The following C14orf93 variants were observed in gnomAD, a reference collection of about 807,000 sequenced individuals.
C14orf93 encodes uncharacterized protein C14orf93.
A neutral mutation model predicts 44.0 loss-of-function variants in C14orf93; 23 were observed. That is an observed-to-expected ratio of 0.52 (90% CI 0.38 to 0.74). The LOEUF (loss-of-function observed/expected upper bound fraction) is 0.74. Ranked by LOEUF, C14orf93 falls within the 30% of genes least tolerant of loss-of-function variation. C14orf93 has a pLI of 0.00. For missense variants in C14orf93, 579 were observed against 678.9 expected (o/e 0.85, Z 1.64); for synonymous variants, 253 against 265.7 (o/e 0.95, Z 0.46).
chr14:22,998,306 T>C (rs2046112399), intron 2 of C14orf93, 121 bp downstream of exon 2: 1 of 1,340,932 alleles, frequency 7.5e-7, no homozygotes, highest in South Asian at 1.7e-5. Context: ...CGTGGTACTG[T>C]TTTGCTTTAT....
chr14:22,988,713 T>C (rs1185153986), intron 5 of C14orf93, among the ~76,000 whole-genome samples: 1 of 151,926 alleles, frequency 6.6e-6, no homozygotes, highest in East Asian at 1.9e-4. Context: ...CAACACTAAC[T>C]CCTCCCAAAT....
chr14:23,009,554 C>T (rs1355747741), intron 1 of C14orf93, among the ~76,000 whole-genome samples: 4 of 152,118 alleles, frequency 2.6e-5, no homozygotes, highest in Admixed American at 2.6e-4. Flanking sequence ...AGGTCTTTCC[C>T]CCTTCCCTAG....
At chr14:22,990,738 G>C (rs1487246896) in intron 3 of C14orf93, among the ~76,000 whole-genome samples, 1 of 151,746 alleles carries the variant, frequency 6.6e-6, no homozygotes, top group Non-Finnish European at 1.5e-5. Context: ...CAAAGTGGTG[G>C]GATTACAGGC....
intron 1 of C14orf93, among the ~76,000 whole-genome samples, chr14:23,008,226 A>G (rs2046734394): frequency 6.6e-6 from 1 of 151,482 alleles, no homozygotes; most frequent in South Asian, 2.1e-4. Flanking sequence ...ATGTGACTAG[A>G]TTTCAAAGAA....
chr14:22,997,566 T>C (rs2046063374), intron 2 of C14orf93, among the ~76,000 whole-genome samples: 1 of 152,204 alleles, frequency 6.6e-6, no homozygotes, highest in African/African-American at 2.4e-5. Flanking sequence ...CATACTTCCA[T>C]GTGTGACATT....
At chr14:23,003,962 T>A (rs774600329) in intron 1 of C14orf93, among the ~76,000 whole-genome samples, 1 of 117,136 alleles carries the variant, frequency 8.5e-6, no homozygotes, top group Non-Finnish European at 1.7e-5. Flanking sequence ...CAGGCTAGAG[T>A]GTGGAGGCAC....
In C14orf93 at chr14:22,996,195, G is replaced by A. The variant is rs1389685754; in HGVS notation, c.671C>T (p.Ser224Leu). The change falls in exon 3 of 7, where the codon TCA becomes TTA. Residue 224 changes from serine (S) to leucine (L), a missense_variant. Coordinates refer to ENST00000299088, the MANE Select transcript of C14orf93 (RefSeq NM_021944.4). The surrounding 1 kb of genome is among the most constrained non-coding windows in gnomAD (Gnocchi z 4.1). Reference sequence around the variant, plus strand: ...CTGGATTGCCAGTTGTGTGGCTGGTGAGAGTTGCTTGGCATAAGCAGGGAC... The same window carrying A: ...CTGGATTGCCAGTTGTGTGGCTGGTAAGAGTTGCTTGGCATAAGCAGGGAC... ...VLVPAYAKQL[S>L]PATQLAIQRA... 6 of 1,612,686 alleles carry A rather than the reference G, an allele frequency of 3.7e-6. No individual in the cohort carries two copies. The highest frequency in any genetic ancestry group is 1.3e-5 in the African/African-American group (1 of 74,912).
At position 23,001,887 on chromosome 14, in the gene C14orf93, G is replaced by C. The variant is rs1358583124; in HGVS notation, c.-379-2485C>G. On this transcript the variant is annotated intron_variant, in intron 1 of 6. Transcript: ENST00000299088. ...AAAAAAGGGCTGGGCGGTGGCTCAC[G>C]CCTGTAATCCCAGCACTTTGGGAGG... is the stretch of plus-strand genomic sequence containing the variant. 3.9e-5 allele frequency among the ~76,000 whole-genome samples: 5 copies of C among 129,778 alleles called. No individual in the cohort carries two copies. The East Asian group carries it at 7.9e-4, about 20-fold the overall frequency. The allele number at this position is 129,778 out of a possible 152,430, so 85.1% of individuals were successfully genotyped here. A position where few individuals can be genotyped will look rare whatever the true frequency, so the allele number is the denominator to read the frequency against.
intron 1 of C14orf93, among the ~76,000 whole-genome samples, chr14:23,003,010 G>A (rs1395942395): frequency 6.6e-6 from 1 of 152,194 alleles, no homozygotes; most frequent in Non-Finnish European, 1.5e-5. Context: ...AAATTAGAAA[G>A]GTAATTTAGT....
intron 1 of C14orf93, chr14:23,005,286 G>C (rs566664506): frequency 2.0e-5 from 3 of 152,330 alleles, no homozygotes; most frequent in South Asian, 2.1e-4. Flanking sequence ...ATAAGCCTAA[G>C]AGTAACAGGA....
Position 22,998,777 on chromosome 14 carries a change from C to T in C14orf93, c.247G>A (p.Ala83Thr). ...VGLAEAALGL[A>T]RANNELLKRL... ...TTTAACAACTCATTGTTGGCCCTGG[C>T]AAGACCCAGAGCAGCTTCAGCCAAA... is the stretch of plus-strand genomic sequence containing the variant. The change falls in exon 2 of 7, where the codon GCC (alanine) becomes ACC (threonine). Residue 83 changes from alanine (A) to threonine (T), a missense_variant. Ala to Thr is a moderately conservative substitution (Grantham distance 58, BLOSUM62 0). Coordinates refer to ENST00000299088, the MANE Select transcript of C14orf93 (RefSeq NM_021944.4). The T allele has an allele frequency of 6.2e-7, 1 of 1,614,230 alleles. No individual in the cohort carries two copies. Among genetic ancestry groups the T allele is most frequent in the Non-Finnish European group, 8.5e-7 (1 of 1,180,050 alleles).
intron 1 of C14orf93, among the ~76,000 whole-genome samples, chr14:23,001,821 C>T (rs1250780941): frequency 2.8e-5 from 3 of 108,654 alleles, no homozygotes; most frequent in African/African-American, 1.1e-4. Context: ...CTTTCCAAAA[C>T]AGCACTGTAC....
At chr14:23,003,228 G>T (rs1256717013) in intron 1 of C14orf93, among the ~76,000 whole-genome samples, 1 of 152,130 alleles carries the variant, frequency 6.6e-6, no homozygotes, top group Non-Finnish European at 1.5e-5. Context: ...GAATTAATTT[G>T]CCTATAAAAA....
rs2046169545 is a variant in C14orf93, at chr14:22,999,166, A to G, written c.-143T>C. On this transcript the variant is annotated 5_prime_UTR_variant, in exon 2 of 7. Coordinates refer to ENST00000299088, the MANE Select transcript of C14orf93 (RefSeq NM_021944.4). ...CCCCAAGCTGTAGGGTCTGTGAAAGAAGAGTAAACAAGCCATGAAGAAGCA... is the reference window on the plus strand; with the variant it reads ...CCCCAAGCTGTAGGGTCTGTGAAAGGAGAGTAAACAAGCCATGAAGAAGCA... 3 of 1,302,322 alleles carry G rather than the reference A, an allele frequency of 2.3e-6. No homozygotes were observed. The highest frequency in any genetic ancestry group is 3.1e-6 in the Non-Finnish European group (3 of 974,028). The allele number at this position is 1,302,322 out of a possible 1,614,324, so 80.7% of individuals were successfully genotyped here.
intron 1 of C14orf93, among the ~76,000 whole-genome samples, chr14:23,001,795 G>A (rs1157930424): frequency 1.5e-5 from 2 of 134,594 alleles, no homozygotes; most frequent in African/African-American, 2.8e-5. Flanking sequence ...TTCCTTGGTC[G>A]TCCTTCCTTG....
intron 5 of C14orf93, 87 bp downstream of exon 5, chr14:22,989,655 T>C: frequency 1.0e-6 from 1 of 982,506 alleles, no homozygotes. Flanking sequence ...ATCATCTCTA[T>C]TATTCCTCTT....
Position 22,987,259 on chromosome 14 carries a change from C to T in C14orf93, c.1573G>A (p.Asp525Asn). ...FDQPHKTCCP[D>N]LNSFIEIKVE... ...TTGATTTCAATGAATGAGTTCAAGT[C>T]AGGACAGCAGGTTTTGTGGGGTTGG... Residue 525 changes from aspartate (D) to asparagine (N), a missense_variant, in exon 7 of 7, where the codon GAC (aspartate) becomes AAC (asparagine). Transcript: ENST00000299088. The surrounding 1 kb of genome is among the most constrained non-coding windows in gnomAD (Gnocchi z 5.6). 6.2e-7 allele frequency: 1 copy of T among 1,614,216 alleles called. No homozygotes were observed. Among genetic ancestry groups the T allele is most frequent in the Non-Finnish European group, 8.5e-7 (1 of 1,180,032 alleles).
Position 22,996,328 on chromosome 14 carries a change from C to T in C14orf93, c.598-60G>A. On this transcript the variant is annotated intron_variant, in intron 2 of 6. Transcript: ENST00000299088. The surrounding 1 kb of genome is among the most constrained non-coding windows in gnomAD (Gnocchi z 4.1). ...CCAGGCTTAGGGGAACCTGGTTAAC[C>T]ATCATTCTTTGGCTAAGAATAGTGA... 1 of 1,471,044 alleles carries T rather than the reference C, an allele frequency of 6.8e-7. No individual in the cohort carries two copies. The highest frequency in any genetic ancestry group is 1.4e-5 in the African/African-American group (1 of 70,812). The allele number at this position is 1,471,044 out of a possible 1,614,324, so 91.1% of individuals were successfully genotyped here. A position where few individuals can be genotyped will look rare whatever the true frequency, so the allele number is the denominator to read the frequency against.
In C14orf93 at chr14:22,992,549, ATATTTATT is replaced by A. The variant is rs568110834; in HGVS notation, c.919-2430_919-2423del. ...AGTTTTGCCCATAATAGCACCTAAA[ATATTTATT>A]TATTTATTTATTTATTTATTTTTAT... is the stretch of plus-strand genomic sequence containing the variant. On this transcript the variant is annotated intron_variant, in intron 3 of 6. Coordinates refer to ENST00000299088, the MANE Select transcript of C14orf93 (RefSeq NM_021944.4). 7.0e-3 allele frequency among the ~76,000 whole-genome samples: 1,050 copies of A among 150,486 alleles called. 15 individuals are homozygous for A. The highest frequency in any genetic ancestry group is 0.024 in the African/African-American group (987 of 41,158).
Sources: gnomAD v4.1 joint callset for allele counts (sites outside exome capture counted in the v4.1 genomes callset) on GRCh38, gnomAD v4.1.1 for gene constraint, Gnocchi (gnomAD v3.1) non-coding constraint, MANE v1.5 for transcripts, NCBI Gene and HGNC (gene_info 2026-07-23, HGNC 2026-07-21) for gene names.